The following ZNF496 variants were observed in gnomAD, a reference collection of about 807,000 sequenced individuals.
The protein encoded by ZNF496 is zinc finger protein 496.
In ZNF496, 11 loss-of-function variants were observed where a neutral mutation model predicts 58.9. The observed-to-expected ratio is 0.19, with a 90% CI of 0.12 to 0.31. The LOEUF is 0.31. Among genes scored for constraint, ZNF496 ranks in the 10% least tolerant of loss-of-function variants. ZNF496 has a pLI of 1.00. For synonymous variants in ZNF496, 338 were observed against 318.2 expected (o/e 1.06, Z -0.66); for missense variants, 660 against 783.0 (o/e 0.84, Z 1.88).
chr1:247,303,376 C>T (rs1307777372), intron 9 of ZNF496, among the ~76,000 whole-genome samples: 2 of 152,166 alleles, frequency 1.3e-5, no homozygotes, highest in Admixed American at 1.3e-4. Flanking sequence ...ATGGTAGCCA[C>T]AGTAGACTAA....
chr1:247,319,705 G>A (rs558868063), intron 6 of ZNF496, among the ~76,000 whole-genome samples: 2 of 152,148 alleles, frequency 1.3e-5, no homozygotes, highest in African/African-American at 4.8e-5. Context: ...GGTGGATCAC[G>A]TGAGGTCAGA....
At chr1:247,328,406 C>T (rs1048988147) in intron 5 of ZNF496, among the ~76,000 whole-genome samples, 2 of 152,138 alleles carry the variant, frequency 1.3e-5, no homozygotes, top group African/African-American at 4.8e-5. Context: ...GATGCACCCT[C>T]GAAGAGATGA....
At chr1:247,330,261 A>G (rs1283587000) in intron 2 of ZNF496, among the ~76,000 whole-genome samples, 180 bp from the exon 3 acceptor site, 1 of 152,222 alleles carries the variant, frequency 6.6e-6, no homozygotes, top group African/African-American at 2.4e-5. Context: ...TGAGACAGCT[A>G]CATGCAGTCT....
In ZNF496 at chr1:247,301,158, C is replaced by T; in HGVS notation, c.1125G>A (p.Leu375=). Residue 375 remains leucine, a synonymous_variant, in exon 10 of 10, where the codon CTG becomes CTA. Coordinates refer to ENST00000682384, the MANE Select transcript of ZNF496 (RefSeq NM_032752.3). ...TGCGCTGCTTCTCTGTGGGGCTCCC[C>T]AGCTCTTCTGTGCAGTACGGGCCAT... The part of the protein sequence containing the change: ...SQHGPYCTEE[L]GSPTEKQRSL... 1 of 1,613,036 alleles carries T rather than the reference C, an allele frequency of 6.2e-7. No homozygotes were observed. Among genetic ancestry groups the T allele is most frequent in the Non-Finnish European group, 8.5e-7 (1 of 1,179,580 alleles).
rs751656409 is a variant in ZNF496, at chr1:247,309,642, G to A, written c.892+57C>T. On this transcript the variant is annotated intron_variant, in intron 8 of 9. Coordinates refer to ENST00000682384, the MANE Select transcript of ZNF496 (RefSeq NM_032752.3). This position sits in a 1 kb window ranked among gnomAD's most constrained non-coding sequence, Gnocchi z 4.3. The stretch of plus-strand genomic sequence containing the variant: ...GAAGCCAGAGAGTGGGCTCACCTCC[G>A]GCTGCCAGCAACCCTTCCCCCTACT... The A allele has an allele frequency of 9.4e-6, 15 of 1,601,866 alleles. No homozygotes were observed. Among genetic ancestry groups the A allele is most frequent in the Middle Eastern group, 3.3e-4 (2 of 6,032 alleles).
At chr1:247,324,345 T>G (rs1660055543) in intron 5 of ZNF496, among the ~76,000 whole-genome samples, 1 of 152,136 alleles carries the variant, frequency 6.6e-6, no homozygotes, top group Non-Finnish European at 1.5e-5. Flanking sequence ...TTGGTCAAAG[T>G]GTACAAAATT....
At position 247,301,116 on chromosome 1, in the gene ZNF496, G is replaced by C. The variant is rs1470092881; in HGVS notation, c.1167C>G (p.His389Gln). 2 of 1,613,696 alleles carry C rather than the reference G, an allele frequency of 1.2e-6. No homozygotes were observed. The highest frequency in any genetic ancestry group is 1.7e-6 in the Non-Finnish European group (2 of 1,180,040). The change falls in exon 10 of 10, where the codon CAC (histidine) becomes CAG (glutamine). Residue 389 changes from histidine (H) to glutamine (Q), a missense_variant. His to Gln is a conservative substitution (Grantham distance 24). Transcript: ENST00000682384. ...TEKQRSLPASHRSSTEAGGEV... is the reference protein window; with the variant it reads ...TEKQRSLPASQRSSTEAGGEV... The stretch of plus-strand genomic sequence containing the variant: ...CGCCTCCGGCCTCGGTGCTGCTCCG[G>C]TGGGAGGCGGGGAGGCTGCGCTGCT...
Position 247,299,569 on chromosome 1 carries a change from G to A in ZNF496, c.*950C>T, listed in dbSNP as rs1344307770. 6.6e-6 allele frequency: 1 copy of A among 152,252 alleles called. No homozygotes were observed. The highest frequency in any genetic ancestry group is 1.5e-5 in the Non-Finnish European group (1 of 68,088). 9.4% of individuals were successfully genotyped at this position (152,252 alleles called of 1,614,324 possible). On this transcript the variant is annotated 3_prime_UTR_variant, in exon 10 of 10. Coordinates refer to ENST00000682384, the MANE Select transcript of ZNF496 (RefSeq NM_032752.3). ...TCTATCAAGTGTGTTGTCAGGCAAG[G>A]TTCTGTTCTGGAGCTTGGCTCACCC...
At chr1:247,327,820 C>T (rs1056408135) in intron 5 of ZNF496, among the ~76,000 whole-genome samples, 4 of 85,806 alleles carry the variant, frequency 4.7e-5, no homozygotes, top group African/African-American at 1.5e-4. Context: ...CCCCCCTGGC[C>T]CCCCAGACAC....
Position 247,299,996 on chromosome 1 carries a change from T to A in ZNF496, c.*523A>T, listed in dbSNP as rs1558434268. The A allele has an allele frequency of 6.6e-6, 1 of 152,442 alleles. No individual in the cohort carries two copies. Among genetic ancestry groups the A allele is most frequent in the Non-Finnish European group, 1.5e-5 (1 of 68,204 alleles). 9.4% of individuals were successfully genotyped at this position (152,442 alleles called of 1,614,324 possible). A position where few individuals can be genotyped will look rare whatever the true frequency, so the allele number is the denominator to read the frequency against. ...CATGACATGTCTGGCTCAGTGTGCCTGGCCCTGCTCCCCACTGAGCCCATC... is the reference window on the plus strand; with the variant it reads ...CATGACATGTCTGGCTCAGTGTGCCAGGCCCTGCTCCCCACTGAGCCCATC... On this transcript the variant is annotated 3_prime_UTR_variant, in exon 10 of 10. Coordinates refer to ENST00000682384, the MANE Select transcript of ZNF496 (RefSeq NM_032752.3).
At position 247,300,933 on chromosome 1, in the gene ZNF496, C is replaced by G. The variant is rs775253688; in HGVS notation, c.1350G>C (p.Leu450=). The part of the protein sequence containing the change: ...CGELFSDSED[L]DGHLESHEAQ... ...CCTCGTGGCTCTCTAGGTGCCCATCCAGGTCCTCGCTGTCGCTGAACAGCT... is the reference window on the plus strand; with the variant it reads ...CCTCGTGGCTCTCTAGGTGCCCATCGAGGTCCTCGCTGTCGCTGAACAGCT... Residue 450 remains leucine (L), a synonymous_variant, in exon 10 of 10, where the codon CTG becomes CTC. Coordinates refer to ENST00000682384, the MANE Select transcript of ZNF496 (RefSeq NM_032752.3). This position sits in a 1 kb window ranked among gnomAD's most constrained non-coding sequence, Gnocchi z 5.7. 3 of 1,613,678 alleles carry G rather than the reference C, an allele frequency of 1.9e-6. No individual in the cohort carries two copies. In the East Asian group the frequency reaches 6.7e-5, roughly 36 times the overall value.
intron 6 of ZNF496, 158 bp from the exon 7 acceptor site, chr1:247,310,614 C>T (rs572244300): frequency 2.1e-6 from 2 of 955,660 alleles, no homozygotes; most frequent in Admixed American, 2.7e-5. Context: ...CGTCCAAGAT[C>T]AAGGTGCCAG....
Position 247,329,057 on chromosome 1 carries a change from T to C in ZNF496, c.390+132A>G. On this transcript the variant is annotated intron_variant, in intron 4 of 9. Transcript: ENST00000682384. This position sits in a 1 kb window ranked among gnomAD's most constrained non-coding sequence, Gnocchi z 5.5. ...AGTAAAACTGGCTTTCTTAGGAAAC[T>C]CTAGTCTGGACCTAACCAAAGTAAA... 3 of 1,486,710 alleles carry C rather than the reference T, an allele frequency of 2.0e-6. No homozygotes were observed. Among genetic ancestry groups the C allele is most frequent in the Non-Finnish European group, 2.7e-6 (3 of 1,092,288 alleles). The allele number at this position is 1,486,710 out of a possible 1,614,324, so 92.1% of individuals were successfully genotyped here.
Position 247,308,328 on chromosome 1 carries a change from A to T in ZNF496, c.1006+147T>A. 1.3e-6 allele frequency: 1 copy of T among 752,344 alleles called. No individual in the cohort carries two copies. Among genetic ancestry groups the T allele is most frequent in the Non-Finnish European group, 2.3e-6 (1 of 440,078 alleles). The allele number at this position is 752,344 out of a possible 1,614,324, so 46.6% of individuals were successfully genotyped here. On this transcript the variant is annotated intron_variant, in intron 9 of 9. Transcript: ENST00000682384. The surrounding 1 kb of genome is among the most constrained non-coding windows in gnomAD (Gnocchi z 4.5). ...CACCCATGAATGCACACACTCACAC[A>T]TGCAGCACACCACATATACCACATG... is the stretch of plus-strand genomic sequence containing the variant.
Position 247,309,435 on chromosome 1 carries a change from T to A in ZNF496, c.892+264A>T. On this transcript the variant is annotated intron_variant, in intron 8 of 9. Transcript: ENST00000682384. This position sits in a 1 kb window ranked among gnomAD's most constrained non-coding sequence, Gnocchi z 4.3. ...ATTGTCAGCACAAACCAGATGTTACTTACAGGCAGAGGAGAAAGACATTCC... is the reference window on the plus strand; with the variant it reads ...ATTGTCAGCACAAACCAGATGTTACATACAGGCAGAGGAGAAAGACATTCC... 7.6e-7 allele frequency: 1 copy of A among 1,315,088 alleles called. No individual in the cohort carries two copies. Among genetic ancestry groups the A allele is most frequent in the Non-Finnish European group, 9.7e-7 (1 of 1,031,300 alleles). 81.5% of individuals were successfully genotyped at this position (1,315,088 alleles called of 1,614,324 possible).
Position 247,331,199 on chromosome 1 carries a change from C to A in ZNF496, c.-154+233G>T, listed in dbSNP as rs532184394. Among the ~76,000 whole-genome samples the A allele has an allele frequency of 2.6e-5, 4 of 152,350 alleles. No homozygotes were observed. In the East Asian group the frequency reaches 7.7e-4, roughly 29 times the overall value. On this transcript the variant is annotated intron_variant, in intron 2 of 9. Coordinates refer to ENST00000682384, the MANE Select transcript of ZNF496 (RefSeq NM_032752.3). ...CCGTCTTTGTCACGGCGGCACCTGG[C>A]GCGTCGGAGGCTCGGAGGAGATGCC...
At chr1:247,328,951 AC>A (rs1169592869) in intron 4 of ZNF496, 85 bp from the exon 5 acceptor site, 1 of 1,491,324 alleles carries the variant, frequency 6.7e-7, no homozygotes, top group Non-Finnish European at 9.0e-7. Flanking sequence ...TCCACAGCTG[AC>A]CATCAAAGGC....
chr1:247,316,253 G>C (rs1659771844), intron 6 of ZNF496, among the ~76,000 whole-genome samples: 3 of 144,612 alleles, frequency 2.1e-5, no homozygotes, highest in African/African-American at 7.6e-5. Context: ...GCGCAGTGGG[G>C]GTCCCGAGGG....
chr1:247,328,528 G>A (rs936643738), intron 5 of ZNF496, 155 bp downstream of exon 5: 2 of 693,008 alleles, frequency 2.9e-6, no homozygotes, highest in Non-Finnish European at 4.5e-6. Context: ...GCTCTAGGAA[G>A]GGACTCAGAC....
Sources: gnomAD v4.1 joint callset for allele counts (sites outside exome capture counted in the v4.1 genomes callset) on GRCh38, gnomAD v4.1.1 for gene constraint, Gnocchi (gnomAD v3.1) non-coding constraint, MANE v1.5 for transcripts, NCBI Gene and HGNC (gene_info 2026-07-23, HGNC 2026-07-21) for gene names.